KCNQ1: variants seen among roughly 807,000 people sequenced by gnomAD.
KCNQ1 encodes the protein potassium voltage-gated channel subfamily Q member 1.
A neutral mutation model predicts 72.4 loss-of-function variants in KCNQ1; 49 were observed. That is an observed-to-expected ratio of 0.68 (90% CI 0.54 to 0.86). The LOEUF is 0.86. KCNQ1 is among the 40% of genes least tolerant of loss of function. The probability of loss-of-function intolerance (pLI) is 0.00; values close to 1 mark genes in which losing one functional copy is unlikely to be tolerated. For synonymous variants in KCNQ1, 450 were observed against 412.6 expected (o/e 1.09, Z -1.10); for missense variants, 790 against 945.1 (o/e 0.84, Z 2.15).
chr11:2,503,310 A>G (rs2133647621), intron 1 of KCNQ1, among the ~76,000 whole-genome samples: 1 of 152,362 alleles, frequency 6.6e-6, no homozygotes, highest in East Asian at 1.9e-4. Flanking sequence ...TAAGGAGCTC[A>G]AACAACCGCA....
intron 11 of KCNQ1, among the ~76,000 whole-genome samples, chr11:2,757,272 C>G (rs1023376294): frequency 6.6e-6 from 1 of 152,128 alleles, no homozygotes; most frequent in African/African-American, 2.4e-5. Flanking sequence ...ACTTGCATTT[C>G]TATACACTAA....
At chr11:2,799,539 G>A (rs1250595213) in intron 15 of KCNQ1, among the ~76,000 whole-genome samples, 1 of 151,632 alleles carries the variant, frequency 6.6e-6, no homozygotes, top group African/African-American at 2.4e-5. Flanking sequence ...GGTGTGTGTT[G>A]TGTCTGCATG....
rs1846746961 is a variant in KCNQ1, at chr11:2,778,163, G to A, written c.1794+126G>A. On this transcript the variant is annotated intron_variant, in intron 15 of 15. Transcript: ENST00000155840. ...CCCCACCTTCCCGCCAGTGCCTACTGCAGCCTGCCCAGCAACTCCCAAGAG... is the reference window on the plus strand; with the variant it reads ...CCCCACCTTCCCGCCAGTGCCTACTACAGCCTGCCCAGCAACTCCCAAGAG... 2.9e-5 allele frequency: 27 copies of A among 930,508 alleles called. No individual in the cohort carries two copies. The East Asian group carries it at 6.6e-4, about 23-fold the overall frequency. 57.6% of individuals were successfully genotyped at this position (930,508 alleles called of 1,614,324 possible).
rs185302501 is a variant in KCNQ1, at chr11:2,627,871, C to T, written c.1394-34090C>T. 507 of 398,768 alleles carry T rather than the reference C, an allele frequency of 1.3e-3. 3 individuals are homozygous for T. Among genetic ancestry groups the T allele is most frequent in the Admixed American group, 2.1e-3 (47 of 22,742 alleles). The allele number at this position is 398,768 out of a possible 1,614,324, so 24.7% of individuals were successfully genotyped here. ...GCTCAAGTGATCCTCCTGCCTCAGC[C>T]TCCTGAGTAGCTGGGACCACAGTCA... On this transcript the variant is annotated intron_variant, in intron 10 of 15. Coordinates refer to ENST00000155840, the MANE Select transcript of KCNQ1 (RefSeq NM_000218.3). This position sits in a 1 kb window ranked among gnomAD's most constrained non-coding sequence, Gnocchi z 4.9.
rs1048499355 is a variant in KCNQ1, at chr11:2,492,281, A to G, written c.387-35647A>G. On this transcript the variant is annotated intron_variant, in intron 1 of 15. Coordinates refer to ENST00000155840, the MANE Select transcript of KCNQ1 (RefSeq NM_000218.3). This position sits in a 1 kb window ranked among gnomAD's most constrained non-coding sequence, Gnocchi z 4.1. ...TGACTACAACAACTTTTGCGGTACA[A>G]TAGGCAGTACAATAAGATATAGAGA... Among the ~76,000 whole-genome samples the G allele has an allele frequency of 3.3e-5, 5 of 152,244 alleles. No homozygotes were observed. Among genetic ancestry groups the G allele is most frequent in the Admixed American group, 6.5e-5 (1 of 15,294 alleles).
In KCNQ1 at chr11:2,620,517, A is replaced by C. The variant is rs1163750894; in HGVS notation, c.1393+31663A>C. The stretch of plus-strand genomic sequence containing the variant: ...AGGTGAGAGCTACCGCACCTGGCCG[A>C]ATTCATTCATTTTTATGGCTGCATA... On this transcript the variant is annotated intron_variant, in intron 10 of 15. Transcript: ENST00000155840. This position sits in a 1 kb window ranked among gnomAD's most constrained non-coding sequence, Gnocchi z 4.5. 2 of 387,242 alleles carry C rather than the reference A, an allele frequency of 5.2e-6. No homozygotes were observed. Among genetic ancestry groups the C allele is most frequent in the Admixed American group, 4.5e-5 (1 of 22,264 alleles). The allele number at this position is 387,242 out of a possible 1,614,324, so 24.0% of individuals were successfully genotyped here.
At chr11:2,556,678 C>T (rs539537774) in intron 2 of KCNQ1, among the ~76,000 whole-genome samples, 50 of 152,266 alleles carry the variant, frequency 3.3e-4, no homozygotes, top group South Asian at 1.0e-3. Context: ...CCCACAGAGC[C>T]GTTGATGGGG....
intron 11 of KCNQ1, among the ~76,000 whole-genome samples, chr11:2,731,819 AACTC>A (rs1194165374): frequency 6.6e-6 from 1 of 152,224 alleles, no homozygotes; most frequent in African/African-American, 2.4e-5. Context: ...AGTGGTGGGT[AACTC>A]ACTCAGCTAG....
rs1180159436 is a variant in KCNQ1, at chr11:2,815,397, A to G, written c.1795-32370A>G. On this transcript the variant is annotated intron_variant, in intron 15 of 15. Transcript: ENST00000155840. The surrounding 1 kb of genome is among the most constrained non-coding windows in gnomAD (Gnocchi z 5.4). The stretch of plus-strand genomic sequence containing the variant: ...GGGCACCTCTGGGTTCTAAGAAGCT[A>G]TGCTGAGGCCCACAGGGTAGTTCTG... 2.0e-5 allele frequency among the ~76,000 whole-genome samples: 3 copies of G among 152,064 alleles called. No homozygotes were observed. Among genetic ancestry groups the G allele is most frequent in the Non-Finnish European group, 2.9e-5 (2 of 67,990 alleles).
chr11:2,461,112 C>T (rs1846271009), intron 1 of KCNQ1, among the ~76,000 whole-genome samples: 1 of 152,014 alleles, frequency 6.6e-6, no homozygotes, highest in African/African-American at 2.4e-5. Context: ...AGGCCCTGGG[C>T]AGCCACCTTG....
chr11:2,756,594 G>T (rs1471302386), intron 11 of KCNQ1, among the ~76,000 whole-genome samples: 1 of 152,008 alleles, frequency 6.6e-6, no homozygotes, highest in Non-Finnish European at 1.5e-5. Flanking sequence ...GAGCTGTCAG[G>T]GTCCAGCATT....
chr11:2,517,944 C>T (rs1033839122), intron 1 of KCNQ1, among the ~76,000 whole-genome samples: 22 of 152,194 alleles, frequency 1.4e-4, no homozygotes, highest in African/African-American at 3.6e-4. Context: ...CTGTGGTGTG[C>T]GGTGGGATAG....
intron 1 of KCNQ1, among the ~76,000 whole-genome samples, chr11:2,472,227 A>G (rs1472249278): frequency 7.1e-6 from 1 of 140,028 alleles, no homozygotes; most frequent in African/African-American, 2.7e-5. Flanking sequence ...GTGTGTGTTC[A>G]TGTATATATG....
intron 1 of KCNQ1, among the ~76,000 whole-genome samples, chr11:2,480,069 T>A (rs1389711527): frequency 6.6e-6 from 1 of 152,218 alleles, no homozygotes; most frequent in Admixed American, 6.5e-5. Context: ...CACCTCAGCC[T>A]GGATTTCATT....
At chr11:2,837,621 G>A (rs1025476626) in intron 15 of KCNQ1, among the ~76,000 whole-genome samples, 5 of 152,248 alleles carry the variant, frequency 3.3e-5, no homozygotes, top group Non-Finnish European at 5.9e-5. Flanking sequence ...CAGAGGTGGG[G>A]GATGGAAAGC....
At chr11:2,675,986 C>T in intron 11 of KCNQ1, 1 of 398,658 alleles carries the variant, frequency 2.5e-6, no homozygotes, top group Admixed American at 4.4e-5. Flanking sequence ...ACACTCTCCC[C>T]ACCCAACCCT....
At position 2,786,622 on chromosome 11, in the gene KCNQ1, C is replaced by G. The variant is rs183856102; in HGVS notation, c.1794+8585C>G. Among the ~76,000 whole-genome samples the G allele has an allele frequency of 2.0e-5, 3 of 149,814 alleles. No homozygotes were observed. In the East Asian group the frequency reaches 5.8e-4, roughly 29 times the overall value. ...TCACTTTGTCTCTCTGTACTGTATTCTGGAATCCATCTTCCAGTTCACTAG... is the reference window on the plus strand; with the variant it reads ...TCACTTTGTCTCTCTGTACTGTATTGTGGAATCCATCTTCCAGTTCACTAG... On this transcript the variant is annotated intron_variant, in intron 15 of 15. Transcript: ENST00000155840.
chr11:2,513,705 C>T (rs1451481081), intron 1 of KCNQ1, among the ~76,000 whole-genome samples: 1 of 152,238 alleles, frequency 6.6e-6, no homozygotes, highest in African/African-American at 2.4e-5. Flanking sequence ...CGGCCTCTCT[C>T]CTGAGTTCCA....
Position 2,848,629 on chromosome 11 carries a change from A to C in KCNQ1, c.*626A>C, listed in dbSNP as rs1848392090. The stretch of plus-strand genomic sequence containing the variant: ...GGAGGGACAGTCTCACCATTTCCCC[A>C]GGGCACGTGGTTGAGTGGGGGGAAC... On this transcript the variant is annotated 3_prime_UTR_variant, in exon 16 of 16. Coordinates refer to ENST00000155840, the MANE Select transcript of KCNQ1 (RefSeq NM_000218.3). The C allele has an allele frequency of 2.2e-6, 1 of 452,408 alleles. No homozygotes were observed. The highest frequency in any genetic ancestry group is 4.4e-6 in the Non-Finnish European group (1 of 225,372). The allele number at this position is 452,408 out of a possible 1,614,324, so 28.0% of individuals were successfully genotyped here. A position where few individuals can be genotyped will look rare whatever the true frequency, so the allele number is the denominator to read the frequency against.
Sources: gnomAD v4.1 joint callset for allele counts (sites outside exome capture counted in the v4.1 genomes callset) on GRCh38, gnomAD v4.1.1 for gene constraint, Gnocchi (gnomAD v3.1) non-coding constraint, MANE v1.5 for transcripts, NCBI Gene and HGNC (gene_info 2026-07-23, HGNC 2026-07-21) for gene names.